Variants in CMIP observed in about 807,000 individuals in gnomAD.
CMIP encodes the protein c-Maf inducing protein, also known as C-Maf-inducing protein.
In CMIP, 13 loss-of-function variants were observed where a neutral mutation model predicts 97.3. The ratio of observed to expected loss-of-function variants is 0.13; its 90% confidence interval spans 0.09 to 0.21. The LOEUF (loss-of-function observed/expected upper bound fraction) is 0.21. Ranked by LOEUF, CMIP falls within the 10% of genes least tolerant of loss-of-function variation. The pLI, the probability that CMIP is intolerant of heterozygous loss-of-function variation, is 1.00. For missense variants in CMIP, 847 were observed against 1,024.9 expected, an observed-to-expected ratio of 0.83 and a Z score of 2.37; for synonymous variants, 538 against 436.3, an observed-to-expected ratio of 1.23 and a Z score of -2.91.
chr16:81,474,864 G>A lies in CMIP; in HGVS notation c.300+29323G>A, dbSNP rs2306115. Among the ~76,000 whole-genome samples the A allele has an allele frequency of 0.018, 2,816 of 152,360 alleles. 206 individuals are homozygous for A. The East Asian group carries it at 0.28, about 15-fold the overall frequency. On this transcript the variant is annotated intron_variant, in intron 1 of 20. Coordinates refer to ENST00000537098, the MANE Select transcript of CMIP (RefSeq NM_198390.3). ...TGCCCTGCCTCCAGCCATGGGGGGC[G>A]GGCGGGGAGGGAGTCGACCAGTGCT...
chr16:81,667,714 G>A (rs902529101), intron 7 of CMIP, among the ~76,000 whole-genome samples: 7 of 143,700 alleles, frequency 4.9e-5, no homozygotes, highest in Admixed American at 2.8e-4. Context: ...TTAAATACTT[G>A]TGAGGCAGAG....
At chr16:81,563,899 C>G (rs1007165897) in intron 1 of CMIP, among the ~76,000 whole-genome samples, 1 of 152,256 alleles carries the variant, frequency 6.6e-6, no homozygotes, top group African/African-American at 2.4e-5. Flanking sequence ...ACAAGCTGGA[C>G]ACCCAACCCC....
chr16:81,510,881 A>C (rs527599874), intron 1 of CMIP, among the ~76,000 whole-genome samples: 1 of 152,084 alleles, frequency 6.6e-6, no homozygotes, highest in Non-Finnish European at 1.5e-5. Context: ...CACCTTGCCC[A>C]CCTAACTTTT....
chr16:81,696,764 C>T (rs1013227032), intron 14 of CMIP, 97 bp downstream of exon 14: 2 of 1,110,558 alleles, frequency 1.8e-6, no homozygotes, highest in Non-Finnish European at 2.6e-6. Flanking sequence ...TGGGGCCAGC[C>T]CCGGAGTTTC....
chr16:81,686,486 A>T (rs1212900078), intron 10 of CMIP, among the ~76,000 whole-genome samples: 1 of 152,092 alleles, frequency 6.6e-6, no homozygotes, highest in African/African-American at 2.4e-5. Context: ...CCTCACCGGC[A>T]CCCTCTGCCC....
chr16:81,651,177 G>T (rs557665443), intron 3 of CMIP: 1 of 152,346 alleles, frequency 6.6e-6, no homozygotes, highest in East Asian at 1.9e-4. Flanking sequence ...CTCTCCCTAA[G>T]GAGCAGAGCA....
intron 3 of CMIP, among the ~76,000 whole-genome samples, chr16:81,639,488 C>G (rs2092278152): frequency 6.6e-6 from 1 of 152,190 alleles, no homozygotes; most frequent in South Asian, 2.1e-4. Flanking sequence ...ACCTCATATG[C>G]GTGGAATCAC....
chr16:81,526,510 G>A (rs1018911349), intron 1 of CMIP, among the ~76,000 whole-genome samples: 2 of 152,198 alleles, frequency 1.3e-5, no homozygotes, highest in Non-Finnish European at 2.9e-5. Context: ...CAGGCCCACA[G>A]CTAGGTCTTG....
At chr16:81,577,610 A>G (rs1199682362) in intron 1 of CMIP, among the ~76,000 whole-genome samples, 6 of 136,042 alleles carry the variant, frequency 4.4e-5, no homozygotes, top group East Asian at 4.6e-4. Flanking sequence ...TTACCACTAC[A>G]TTATTATCAC....
intron 1 of CMIP, among the ~76,000 whole-genome samples, chr16:81,459,665 T>C (rs1320908744): frequency 6.6e-6 from 1 of 152,242 alleles, no homozygotes; most frequent in African/African-American, 2.4e-5. Context: ...CTCTGACTGG[T>C]GGCCTCCGGT....
At chr16:81,695,411 AAAAT>A (rs1906599727) in intron 13 of CMIP, 1 of 152,272 alleles carries the variant, frequency 6.6e-6, no homozygotes, top group Non-Finnish European at 1.5e-5. Context: ...CTCAGAGGGA[AAAAT>A]AAAAGCCACT....
intron 3 of CMIP, among the ~76,000 whole-genome samples, chr16:81,626,446 TATG>T (rs2092065237): frequency 8.3e-6 from 1 of 121,074 alleles, no homozygotes; most frequent in African/African-American, 2.7e-5. Flanking sequence ...ATGACTATCT[TATG>T]AGTGTGTGTG....
intron 1 of CMIP, among the ~76,000 whole-genome samples, chr16:81,580,389 A>G (rs1403528806): frequency 6.6e-6 from 1 of 151,562 alleles, no homozygotes; most frequent in African/African-American, 2.4e-5. Flanking sequence ...GAAATTGCCC[A>G]CTTAATTTAT....
chr16:81,533,653 T>C (rs966979780), intron 1 of CMIP, among the ~76,000 whole-genome samples: 2 of 152,064 alleles, frequency 1.3e-5, no homozygotes, highest in Non-Finnish European at 2.9e-5. Context: ...TAATTTTTTG[T>C]ATTTTAGTAG....
chr16:81,638,462 G>A (rs1447860895), intron 3 of CMIP, among the ~76,000 whole-genome samples: 1 of 151,982 alleles, frequency 6.6e-6, no homozygotes, highest in Admixed American at 6.6e-5. Flanking sequence ...ACTCTCTGAG[G>A]GGATGGTGCC....
intron 17 of CMIP, among the ~76,000 whole-genome samples, chr16:81,702,893 A>T (rs1293834557): frequency 1.3e-5 from 2 of 152,240 alleles, no homozygotes; most frequent in East Asian, 3.8e-4. Flanking sequence ...ATTGTTGGTG[A>T]TAATAGTGTT....
At chr16:81,694,805 ACT>A (rs1218795103) in intron 13 of CMIP, among the ~76,000 whole-genome samples, 2 of 151,928 alleles carry the variant, frequency 1.3e-5, no homozygotes, top group East Asian at 3.9e-4. Context: ...GATCTTGAAG[ACT>A]CTAGTTCCAA....
Position 81,691,757 on chromosome 16 carries a change from C to A in CMIP, c.1389-18C>A. On this transcript the variant is annotated intron_variant, in intron 10 of 20. Coordinates refer to ENST00000537098, the MANE Select transcript of CMIP (RefSeq NM_198390.3). ...CCTTGTCCCAACCAAAGCTGACTGT[C>A]ACCCTCTCTCATTCTAGGTCAGACT... is the stretch of plus-strand genomic sequence containing the variant. The A allele has an allele frequency of 6.2e-7, 1 of 1,611,918 alleles. No individual in the cohort carries two copies. The highest frequency in any genetic ancestry group is 8.5e-7 in the Non-Finnish European group (1 of 1,178,242).
intron 1 of CMIP, among the ~76,000 whole-genome samples, chr16:81,606,494 C>T (rs2091746038): frequency 6.6e-6 from 1 of 152,182 alleles, no homozygotes; most frequent in Non-Finnish European, 1.5e-5. Flanking sequence ...CACCTGGTGC[C>T]TTCTCGGGAC....
Sources: allele counts gnomAD v4.1 joint callset (sites outside exome capture counted in the v4.1 genomes callset), GRCh38; gene constraint gnomAD v4.1.1; transcripts MANE v1.5; gene names NCBI Gene and HGNC (gene_info 2026-07-23, HGNC 2026-07-21).